The following CNTNAP4 variants were observed in gnomAD, a reference collection of about 807,000 sequenced individuals.
The protein encoded by CNTNAP4 is contactin associated protein family member 4, also known as contactin-associated protein-like 4.
CNTNAP4 carries 98 observed loss-of-function variants against 148.4 expected under a neutral mutation model. The ratio of observed to expected loss-of-function variants is 0.66; its 90% confidence interval spans 0.56 to 0.78. The LOEUF (loss-of-function observed/expected upper bound fraction) is 0.78. Among genes scored for constraint, CNTNAP4 ranks in the 30% least tolerant of loss-of-function variants. The pLI, the probability that CNTNAP4 is intolerant of heterozygous loss-of-function variation, is 0.00. For missense variants in CNTNAP4, 1,935 were observed against 1,565.6 expected (o/e 1.24, Z -3.98); for synonymous variants, 730 against 565.1 (o/e 1.29, Z -4.14).
At chr16:76,443,248 C>T (rs2080112219) in intron 4 of CNTNAP4, among the ~76,000 whole-genome samples, 1 of 152,130 alleles carries the variant, frequency 6.6e-6, no homozygotes, top group Admixed American at 6.6e-5. Flanking sequence ...AAAGTCTCCT[C>T]TTACATCTTT....
intron 2 of CNTNAP4, among the ~76,000 whole-genome samples, chr16:76,353,286 C>A (rs1490730724): frequency 6.6e-6 from 1 of 152,118 alleles, no homozygotes; most frequent in Non-Finnish European, 1.5e-5. Context: ...AGGGATTATA[C>A]CTGAATGCAA....
chr16:76,299,824 G>A (rs1336869559), intron 1 of CNTNAP4, among the ~76,000 whole-genome samples: 2 of 152,170 alleles, frequency 1.3e-5, no homozygotes, highest in African/African-American at 4.8e-5. Flanking sequence ...CATAAAAAAT[G>A]ATAAGTTCAT....
intron 4 of CNTNAP4, among the ~76,000 whole-genome samples, chr16:76,435,004 T>C (rs1273255370): frequency 6.6e-6 from 1 of 152,122 alleles, no homozygotes; most frequent in African/African-American, 2.4e-5. Flanking sequence ...CTGAAGTGCC[T>C]GATTATTTTC....
intron 2 of CNTNAP4, among the ~76,000 whole-genome samples, chr16:76,334,287 C>T (rs1408247552): frequency 6.6e-6 from 1 of 151,558 alleles, no homozygotes; most frequent in South Asian, 2.1e-4. Flanking sequence ...ACAAAGATTT[C>T]CTTAGAAACT....
At chr16:76,494,827 A>G in intron 13 of CNTNAP4, 83 bp from the exon 14 acceptor site, 2 of 1,360,458 alleles carry the variant, frequency 1.5e-6, no homozygotes, top group African/African-American at 1.5e-5. Context: ...CTTTTTAATG[A>G]TTTTGGAAGA....
chr16:76,487,984 G>A (rs757568498), intron 12 of CNTNAP4, among the ~76,000 whole-genome samples: 2 of 152,094 alleles, frequency 1.3e-5, no homozygotes, highest in Non-Finnish European at 2.9e-5. Flanking sequence ...CGCCTTGCTT[G>A]GTAGCTAGCT....
At position 76,360,983 on chromosome 16, in the gene CNTNAP4, A is replaced by AT. The variant is rs879464379; in HGVS notation, c.390+5485dup. On this transcript the variant is annotated intron_variant, in intron 3 of 23. Transcript: ENST00000611870. The stretch of plus-strand genomic sequence containing the variant: ...AGGCGCCTGCCTCCACACCCGGCTA[A>AT]TTTTTTTTTTTTTGTATTTTTGGTA... 2.7e-3 allele frequency among the ~76,000 whole-genome samples: 388 copies of AT among 144,184 alleles called. 2 individuals are homozygous for AT. Among genetic ancestry groups the AT allele is most frequent in the African/African-American group, 6.4e-3 (254 of 39,474 alleles). 94.6% of individuals were successfully genotyped at this position (144,184 alleles called of 152,430 possible).
At chr16:76,484,577 G>C (rs1318171399) in intron 12 of CNTNAP4, among the ~76,000 whole-genome samples, 1 of 152,094 alleles carries the variant, frequency 6.6e-6, no homozygotes, top group African/African-American at 2.4e-5. Context: ...AGGAAGCCAA[G>C]AATGGGGGAG....
At chr16:76,544,624 C>T (rs1029864405) in intron 21 of CNTNAP4, among the ~76,000 whole-genome samples, 4 of 152,114 alleles carry the variant, frequency 2.6e-5, no homozygotes, top group Non-Finnish European at 4.4e-5. Flanking sequence ...AATCAGCAGA[C>T]TACATTGCAT....
At chr16:76,316,363 G>A (rs748456134) in intron 1 of CNTNAP4, 50 bp from the exon 2 acceptor site, 7 of 1,217,308 alleles carry the variant, frequency 5.8e-6, no homozygotes, top group South Asian at 4.9e-5. Flanking sequence ...TTGATTCCAC[G>A]AAAGCCTCAG....
At chr16:76,461,932 C>G (rs199579421) in intron 8 of CNTNAP4, 24 bp from the exon 9 acceptor site, 19 of 1,610,666 alleles carry the variant, frequency 1.2e-5, no homozygotes, top group Non-Finnish European at 1.4e-5. Context: ...TGAGAGCGAT[C>G]TCTAACTGAT....
At chr16:76,521,347 A>G in intron 16 of CNTNAP4, 37 bp downstream of exon 16, 2 of 1,523,208 alleles carry the variant, frequency 1.3e-6, no homozygotes, top group African/African-American at 1.4e-5. Context: ...ATGAGATTCT[A>G]TCATTTAGTA....
chr16:76,501,616 G>A (rs2082646323), intron 15 of CNTNAP4, among the ~76,000 whole-genome samples: 1 of 152,150 alleles, frequency 6.6e-6, no homozygotes, highest in African/African-American at 2.4e-5. Flanking sequence ...GGCATGTAGT[G>A]GGAGAGGTCA....
intron 3 of CNTNAP4, among the ~76,000 whole-genome samples, chr16:76,374,583 C>CG (rs781119968): frequency 1.4e-4 from 22 of 152,080 alleles, no homozygotes; most frequent in Non-Finnish European, 3.1e-4. Context: ...GTCCAGCCTT[C>CG]TTGTTCTCAT....
At chr16:76,324,012 C>A (rs142199124) in intron 2 of CNTNAP4, among the ~76,000 whole-genome samples, 281 of 152,252 alleles carry the variant, frequency 1.8e-3, no homozygotes, top group Middle Eastern at 6.8e-3. Context: ...ATTCTACTGG[C>A]AATGTAGCTA....
rs759506647 is a variant in CNTNAP4 at position 76,498,621 on chromosome 16, C to T, written c.2292C>T (p.Ile764=). 1.7e-5 allele frequency: 27 copies of T among 1,612,398 alleles called. No homozygotes were observed. In the South Asian group the frequency reaches 1.9e-4, roughly 11 times the overall value. The stretch of plus-strand genomic sequence containing the variant: ...AAGAACATCTTCCAGTAACTAAGAT[C>T]GTGATTACAGACACAGGCCGACTGC... ...AYKEHLPVTK[I]VITDTGRLHS... is the part of the protein sequence containing the mutation. The change falls in exon 15 of 24, where the codon ATC becomes ATT. Residue 764 remains isoleucine (I), a synonymous_variant. Coordinates refer to ENST00000611870, the MANE Select transcript of CNTNAP4 (RefSeq NM_033401.5).
chr16:76,344,731 G>A (rs1964764665), intron 2 of CNTNAP4, among the ~76,000 whole-genome samples: 1 of 152,218 alleles, frequency 6.6e-6, no homozygotes, highest in Admixed American at 6.5e-5. Context: ...TTCCGTGTAT[G>A]ATCGTATATG....
chr16:76,301,080 G>A (rs1959912676), intron 1 of CNTNAP4, among the ~76,000 whole-genome samples: 1 of 151,946 alleles, frequency 6.6e-6, no homozygotes, highest in Non-Finnish European at 1.5e-5. Flanking sequence ...TGAAAACAAA[G>A]AAAAACTATA....
At chr16:76,337,848 A>G (rs1224683277) in intron 2 of CNTNAP4, among the ~76,000 whole-genome samples, 1 of 152,162 alleles carries the variant, frequency 6.6e-6, no homozygotes, top group Non-Finnish European at 1.5e-5. Context: ...TATTTCTCCT[A>G]CTTGCTTTCT....
Sources: allele counts gnomAD v4.1 joint callset (sites outside exome capture counted in the v4.1 genomes callset), GRCh38; gene constraint gnomAD v4.1.1; transcripts MANE v1.5; gene names NCBI Gene and HGNC (gene_info 2026-07-23, HGNC 2026-07-21).